The following NFILZ variants were observed in gnomAD, a reference collection of about 807,000 sequenced individuals.
NFILZ encodes NFIL3 like basic leucine zipper.
At position 8,653,025 on chromosome 19, in the gene NFILZ, T is replaced by C. The variant is rs868913870; in HGVS notation, c.-164+17279T>C. Among the ~76,000 whole-genome samples the C allele has an allele frequency of 2.9e-4, 19 of 65,066 alleles. 2 individuals are homozygous for C. The highest frequency in any genetic ancestry group is 5.6e-4 in the Admixed American group (3 of 5,320). The allele number at this position is 65,066 out of a possible 152,430, so 42.7% of individuals were successfully genotyped here. A position where few individuals can be genotyped will look rare whatever the true frequency, so the allele number is the denominator to read the frequency against. ...CTTCCTTCCTTCCTTTCTTTCTTTCTTTCTTTCTTTCTTTCTCTCTCTCTC... is the reference window on the plus strand; with the variant it reads ...CTTCCTTCCTTCCTTTCTTTCTTTCCTTCTTTCTTTCTTTCTCTCTCTCTC... On this transcript the variant is annotated intron_variant, in intron 3 of 5. Transcript: ENST00000691075.
chr19:8,651,124 C>T (rs190838335), intron 3 of NFILZ, among the ~76,000 whole-genome samples: 15 of 152,112 alleles, frequency 9.9e-5, no homozygotes, highest in African/African-American at 3.4e-4. Flanking sequence ...GTGTTAGGAA[C>T]GTTTCAATTA....
At chr19:8,631,830 T>TTATATG (rs367777602) in intron 1 of NFILZ, among the ~76,000 whole-genome samples, 1 of 145,898 alleles carries the variant, frequency 6.9e-6, no homozygotes, top group Non-Finnish European at 1.5e-5. Context: ...GTCCTCGCTT[T>TTATATG]TGTGTGTGTG....
At chr19:8,643,303 G>T (rs2042926622) in intron 3 of NFILZ, among the ~76,000 whole-genome samples, 1 of 152,196 alleles carries the variant, frequency 6.6e-6, no homozygotes, top group South Asian at 2.1e-4. Flanking sequence ...CTCAAAAGAA[G>T]AGAGTTTATA....
At chr19:8,674,091 C>T (rs539586242) in intron 3 of NFILZ, among the ~76,000 whole-genome samples, 26 of 152,272 alleles carry the variant, frequency 1.7e-4, no homozygotes, top group South Asian at 6.2e-4. Flanking sequence ...CCGCCTGCCT[C>T]GGCCTCCAAA....
chr19:8,661,260 T>C (rs1286162299), intron 3 of NFILZ, among the ~76,000 whole-genome samples: 1 of 151,260 alleles, frequency 6.6e-6, no homozygotes, highest in East Asian at 2.0e-4. Context: ...CCTCCTGGGT[T>C]CAAGCAATCC....
chr19:8,651,235 C>G (rs1217009249), intron 3 of NFILZ, among the ~76,000 whole-genome samples: 1 of 151,920 alleles, frequency 6.6e-6, no homozygotes, highest in East Asian at 1.9e-4. Flanking sequence ...GATCTCAGCT[C>G]ACTGCAACCT....
intron 2 of NFILZ, among the ~76,000 whole-genome samples, chr19:8,633,854 G>GT (rs2042881191): frequency 6.6e-6 from 1 of 151,028 alleles, no homozygotes; most frequent in Non-Finnish European, 1.5e-5. Flanking sequence ...TTCTTACTCA[G>GT]TTATCATTAG....
intron 3 of NFILZ, among the ~76,000 whole-genome samples, chr19:8,649,470 T>G (rs1600143919): frequency 6.6e-6 from 1 of 152,228 alleles, no homozygotes; most frequent in African/African-American, 2.4e-5. Context: ...TTTTGCCATG[T>G]TGGCCAGGCT....
intron 3 of NFILZ, among the ~76,000 whole-genome samples, chr19:8,658,209 C>G (rs1295327489): frequency 6.6e-6 from 1 of 152,134 alleles, no homozygotes; most frequent in Non-Finnish European, 1.5e-5. Flanking sequence ...GTGTTACAAC[C>G]ACCACTTCCG....
intron 3 of NFILZ, among the ~76,000 whole-genome samples, chr19:8,661,864 G>A (rs150371448): frequency 2.0e-5 from 3 of 152,170 alleles, no homozygotes; most frequent in African/African-American, 7.2e-5. Flanking sequence ...CAGCCTGGGC[G>A]ACAGAGTGAG....
intron 3 of NFILZ, chr19:8,638,538 T>C (rs1555746328): frequency 6.6e-6 from 1 of 152,192 alleles, no homozygotes; most frequent in Non-Finnish European, 1.5e-5. Context: ...GAACACCTCC[T>C]GCGTGCCAGG....
At chr19:8,675,074 T>C (rs535253097) in intron 4 of NFILZ, among the ~76,000 whole-genome samples, 2 of 152,286 alleles carry the variant, frequency 1.3e-5, no homozygotes, top group African/African-American at 4.8e-5. Context: ...ATTCAACAAG[T>C]GTTTATTTAC....
intron 3 of NFILZ, among the ~76,000 whole-genome samples, chr19:8,671,139 C>T (rs150237776): frequency 7.4e-4 from 112 of 152,220 alleles, no homozygotes; most frequent in Middle Eastern, 6.8e-3. Context: ...GCTTTGATGT[C>T]ACTGGTCAAG....
chr19:8,655,938 T>C (rs1259594729), intron 3 of NFILZ, among the ~76,000 whole-genome samples: 1 of 151,850 alleles, frequency 6.6e-6, no homozygotes, highest in African/African-American at 2.4e-5. Context: ...TCCGTTTGAG[T>C]CTCTGTCTCT....
intron 3 of NFILZ, among the ~76,000 whole-genome samples, chr19:8,659,259 AT>A (rs1246040732): frequency 5.9e-4 from 87 of 147,660 alleles, no homozygotes; most frequent in African/African-American, 8.9e-4. Flanking sequence ...AAAAAAAAAA[AT>A]TTTTTTTTAA....
Position 8,653,041 on chromosome 19 carries a change from T to TTTCTTTCTCTCTCC in NFILZ, c.-164+17295_-164+17296insTTCTTTCTCTCTCC, listed in dbSNP as rs2042975623. On this transcript the variant is annotated intron_variant, in intron 3 of 5. Transcript: ENST00000691075. ...CTTTCTTTCTTTCTTTCTTTCTTTC[T>TTTCTTTCTCTCTCC]CTCTCTCTCTCTCTCTCTCTCTCTC... Among the ~76,000 whole-genome samples, 66 of 63,202 alleles carry TTTCTTTCTCTCTCC rather than the reference T, an allele frequency of 1.0e-3. 1 individual carries two copies. The highest frequency in any genetic ancestry group is 1.8e-3 in the South Asian group (3 of 1,636). 41.5% of individuals were successfully genotyped at this position (63,202 alleles called of 152,430 possible).
chr19:8,663,430 G>T (rs1464868344), intron 3 of NFILZ, among the ~76,000 whole-genome samples: 1 of 149,848 alleles, frequency 6.7e-6, no homozygotes, highest in Admixed American at 6.6e-5. Context: ...GAAGGTGGAG[G>T]GGGAGCTGGT....
chr19:8,652,972 C>T (rs2042972011), intron 3 of NFILZ, among the ~76,000 whole-genome samples: 1,217 of 98,400 alleles, frequency 0.012, 175 homozygotes, highest in Middle Eastern at 0.029. Flanking sequence ...TCCTTCCCTC[C>T]TTCCTTCCTT....
At chr19:8,666,425 C>G (rs1555749804) in intron 3 of NFILZ, among the ~76,000 whole-genome samples, 1 of 151,810 alleles carries the variant, frequency 6.6e-6, no homozygotes, top group Non-Finnish European at 1.5e-5. Context: ...ATCCACCTGT[C>G]TCAGCCTCCC....
Sources: allele counts gnomAD v4.1 joint callset (sites outside exome capture counted in the v4.1 genomes callset), GRCh38; gene constraint gnomAD v4.1.1; transcripts MANE v1.5; gene names NCBI Gene and HGNC (gene_info 2026-07-23, HGNC 2026-07-21).